CLMP: variants seen among roughly 807,000 people sequenced by gnomAD.
CLMP encodes the protein CXADR-like membrane protein.
CLMP carries 27 observed loss-of-function variants against 45.2 expected under a neutral mutation model. That is an observed-to-expected ratio of 0.60 (90% CI 0.44 to 0.82). The LOEUF (loss-of-function observed/expected upper bound fraction) is 0.82, where lower values mean the gene tolerates loss of function less well. Among genes scored for constraint, CLMP ranks in the 40% least tolerant of loss-of-function variants. CLMP has a pLI of 0.00. For synonymous variants in CLMP, 167 were observed against 171.4 expected (o/e 0.97, Z 0.20); for missense variants, 403 against 448.4 (o/e 0.90, Z 0.91).
intron 1 of CLMP, among the ~76,000 whole-genome samples, chr11:123,157,360 G>C (rs1861428386): frequency 1.3e-5 from 2 of 152,040 alleles, no homozygotes; most frequent in Non-Finnish European, 2.9e-5. Context: ...TTCGAAATCT[G>C]CCTGGCCAAT....
rs76692255 is a variant in CLMP at position 123,164,955 on chromosome 11, T to C, written c.28+29958A>G. Reference sequence around the variant, plus strand: ...ACATAATCAAGTATATTCTAATATGTCCAAGAAAGAAAGGATGTCGTAACA... The same window carrying C: ...ACATAATCAAGTATATTCTAATATGCCCAAGAAAGAAAGGATGTCGTAACA... On this transcript the variant is annotated intron_variant, in intron 1 of 6. Coordinates refer to ENST00000448775, the MANE Select transcript of CLMP (RefSeq NM_024769.5). 3.5e-3 allele frequency among the ~76,000 whole-genome samples: 531 copies of C among 152,324 alleles called. 9 individuals are homozygous for C. The East Asian group carries it at 0.059, about 17-fold the overall frequency.
intron 1 of CLMP, among the ~76,000 whole-genome samples, chr11:123,167,071 C>T: frequency 6.6e-6 from 1 of 152,158 alleles, no homozygotes; most frequent in East Asian, 1.9e-4. Context: ...GTAATGGGCA[C>T]ATACAGTGTT....
chr11:123,092,600 T>C (rs1865945156), intron 2 of CLMP, among the ~76,000 whole-genome samples: 1 of 118,604 alleles, frequency 8.4e-6, no homozygotes, highest in African/African-American at 3.3e-5. Context: ...CTGGCCACAT[T>C]TTTCTTTTCT....
chr11:123,165,620 G>A (rs959499441), intron 1 of CLMP, among the ~76,000 whole-genome samples: 1 of 152,014 alleles, frequency 6.6e-6, no homozygotes, highest in Non-Finnish European at 1.5e-5. Flanking sequence ...TTAGCAGCTC[G>A]CCACTAAAAG....
chr11:123,151,085 G>A (rs1271210263), intron 1 of CLMP, among the ~76,000 whole-genome samples: 1 of 152,146 alleles, frequency 6.6e-6, no homozygotes, highest in East Asian at 1.9e-4. Flanking sequence ...CTCCTGCCAC[G>A]TGCCAGGCAG....
intron 1 of CLMP, among the ~76,000 whole-genome samples, chr11:123,131,942 G>A (rs1019321572): frequency 2.0e-5 from 3 of 152,150 alleles, no homozygotes; most frequent in Middle Eastern, 3.4e-3. Context: ...CTAAACCTAC[G>A]TTTATCATCT....
At chr11:123,164,799 C>G (rs1472092063) in intron 1 of CLMP, among the ~76,000 whole-genome samples, 1 of 152,002 alleles carries the variant, frequency 6.6e-6, no homozygotes, top group Non-Finnish European at 1.5e-5. Context: ...AGTAAGTGCT[C>G]AAAACATTTA....
intron 1 of CLMP, among the ~76,000 whole-genome samples, chr11:123,174,216 C>T (rs1003137335): frequency 1.3e-5 from 2 of 152,320 alleles, no homozygotes; most frequent in South Asian, 2.1e-4. Context: ...TCTTCCTACA[C>T]GTAATTACAT....
In CLMP at chr11:123,106,803, G is replaced by A. The variant is rs1860565228; in HGVS notation, c.29-8851C>T. 3.3e-5 allele frequency among the ~76,000 whole-genome samples: 5 copies of A among 151,802 alleles called. No homozygotes were observed. In the South Asian group the frequency reaches 1.0e-3, roughly 32 times the overall value. On this transcript the variant is annotated intron_variant, in intron 1 of 6. Coordinates refer to ENST00000448775, the MANE Select transcript of CLMP (RefSeq NM_024769.5). Reference sequence around the variant, plus strand: ...TGGGAGGTCGAGGTGGGCGGATCACGAGGTCAGGAGATCGAGACCATCCTG... The same window carrying A: ...TGGGAGGTCGAGGTGGGCGGATCACAAGGTCAGGAGATCGAGACCATCCTG...
intron 1 of CLMP, among the ~76,000 whole-genome samples, chr11:123,153,210 G>C (rs1381519653): frequency 6.6e-6 from 1 of 152,132 alleles, no homozygotes; most frequent in East Asian, 1.9e-4. Flanking sequence ...CAGTCATCTG[G>C]AACACTGAAC....
At chr11:123,172,153 C>G (rs756609042) in intron 1 of CLMP, among the ~76,000 whole-genome samples, 2 of 151,786 alleles carry the variant, frequency 1.3e-5, no homozygotes, top group Non-Finnish European at 2.9e-5. Context: ...CACTTTCTTT[C>G]TATTTTATTT....
chr11:123,185,116 A>C (rs768107713), intron 1 of CLMP, among the ~76,000 whole-genome samples: 8 of 152,094 alleles, frequency 5.3e-5, no homozygotes, highest in Non-Finnish European at 7.4e-5. Context: ...CAGGGGATGG[A>C]AGGTAACAGC....
rs564822839 is a variant in CLMP at position 123,112,406 on chromosome 11, C to T, written c.29-14454G>A. 3.3e-4 allele frequency among the ~76,000 whole-genome samples: 47 copies of T among 144,122 alleles called. No homozygotes were observed. The South Asian group carries it at 9.5e-3, about 29-fold the overall frequency. 94.5% of individuals were successfully genotyped at this position (144,122 alleles called of 152,430 possible). A position where few individuals can be genotyped will look rare whatever the true frequency, so the allele number is the denominator to read the frequency against. On this transcript the variant is annotated intron_variant, in intron 1 of 6. Transcript: ENST00000448775. ...AGGCTGGAGTGCAGTGGTGTGATCT[C>T]GGCTCACGGCAACCTCCGCCTCCAG...
chr11:123,113,636 G>C (rs758143280), intron 1 of CLMP, among the ~76,000 whole-genome samples: 3 of 152,162 alleles, frequency 2.0e-5, no homozygotes, highest in Non-Finnish European at 2.9e-5. Flanking sequence ...GTCCTGATAG[G>C]TTCTCAAAGT....
intron 2 of CLMP, among the ~76,000 whole-genome samples, chr11:123,090,289 CA>C (rs762196704): frequency 0.05 from 5,850 of 116,246 alleles, 264 homozygotes; most frequent in African/African-American, 0.13. Flanking sequence ...CACTAAAATA[CA>C]AAAAAAAAAA....
chr11:123,074,965 T>C (rs926551226), intron 5 of CLMP, 122 bp from the exon 6 acceptor site: 3 of 1,236,102 alleles, frequency 2.4e-6, no homozygotes, highest in African/African-American at 1.5e-5. Context: ...TTTTGTTTTT[T>C]TTTTTTTGAG....
At chr11:123,160,118 A>AAAAATACG (rs1861465753) in intron 1 of CLMP, among the ~76,000 whole-genome samples, 1 of 151,808 alleles carries the variant, frequency 6.6e-6, no homozygotes, top group Non-Finnish European at 1.5e-5. Context: ...GTCTCTACTA[A>AAAAATACG]AAAATACGAA....
At chr11:123,118,941 C>CT (rs1860756850) in intron 1 of CLMP, among the ~76,000 whole-genome samples, 5 of 13,810 alleles carry the variant, frequency 3.6e-4, no homozygotes, top group East Asian at 2.4e-3. Context: ...TTCTTTCTTT[C>CT]TTTCTTTCTT....
At chr11:123,176,061 T>C (rs187519609) in intron 1 of CLMP, among the ~76,000 whole-genome samples, 38 of 152,318 alleles carry the variant, frequency 2.5e-4, no homozygotes, top group Admixed American at 2.0e-3. Flanking sequence ...AAATAAGGTG[T>C]TATTAAAATA....
Sources: allele counts gnomAD v4.1 joint callset (sites outside exome capture counted in the v4.1 genomes callset), GRCh38; gene constraint gnomAD v4.1.1; transcripts MANE v1.5; gene names NCBI Gene and HGNC (gene_info 2026-07-23, HGNC 2026-07-21).